Variants in ABCB5 observed in about 807,000 individuals in gnomAD.
The protein encoded by ABCB5 is ATP binding cassette subfamily B member 5.
A neutral mutation model predicts 144.2 loss-of-function variants in ABCB5; 155 were observed. The ratio of observed to expected loss-of-function variants is 1.08; its 90% CI spans 0.94 to 1.23. ABCB5 has a LOEUF of 1.23. Ranked by LOEUF, ABCB5 falls within the 50% of genes most tolerant of loss-of-function variation. The probability of loss-of-function intolerance (pLI) is 0.00; values close to 1 mark genes in which losing one functional copy is unlikely to be tolerated. For missense variants in ABCB5, 1,830 were observed against 1,520.8 expected, an observed-to-expected ratio of 1.20 and a Z score of -3.38; for synonymous variants, 610 against 528.6, an observed-to-expected ratio of 1.15 and a Z score of -2.11.
chr7:20,726,153 T>A (rs2128050745), intron 21 of ABCB5, among the ~76,000 whole-genome samples: 1 of 152,328 alleles, frequency 6.6e-6, no homozygotes, highest in South Asian at 2.1e-4. Context: ...ATAAACTATA[T>A]AAATGTGGAG....
At chr7:20,699,605 G>T (rs916851439) in intron 17 of ABCB5, among the ~76,000 whole-genome samples, 2 of 152,040 alleles carry the variant, frequency 1.3e-5, no homozygotes, top group Non-Finnish European at 1.5e-5. Context: ...GGAGGCTGAG[G>T]CATGAGAATC....
At chr7:20,742,016 G>C (rs1314243212) in intron 24 of ABCB5, among the ~76,000 whole-genome samples, 1 of 152,178 alleles carries the variant, frequency 6.6e-6, no homozygotes, top group African/African-American at 2.4e-5. Flanking sequence ...CCAGTAAAGA[G>C]ATTGATGCAC....
intron 7 of ABCB5, among the ~76,000 whole-genome samples, 173 bp downstream of exon 7, chr7:20,643,805 T>G (rs1177261180): frequency 2.0e-5 from 3 of 152,256 alleles, no homozygotes; most frequent in Non-Finnish European, 4.4e-5. Context: ...CCTTTCTATC[T>G]TCAAGTTATT....
intron 20 of ABCB5, among the ~76,000 whole-genome samples, chr7:20,717,860 T>C (rs1407344130): frequency 2.8e-5 from 4 of 142,444 alleles, no homozygotes; most frequent in Non-Finnish European, 6.1e-5. Flanking sequence ...TATCTCCAAA[T>C]ACGGTAACAT....
At chr7:20,647,228 A>G (rs1784431501) in intron 9 of ABCB5, 2 of 1,040,588 alleles carry the variant, frequency 1.9e-6, no homozygotes, top group Non-Finnish European at 2.3e-6. Context: ...CACTTCAGTT[A>G]GCAGATTTTT....
intron 14 of ABCB5, chr7:20,659,296 T>C: frequency 7.0e-7 from 1 of 1,437,636 alleles, no homozygotes; most frequent in Non-Finnish European, 9.1e-7. Flanking sequence ...TGAACAGTTT[T>C]CTCGATGGCC....
intron 14 of ABCB5, among the ~76,000 whole-genome samples, chr7:20,677,499 C>A (rs1785654381): frequency 6.6e-6 from 1 of 152,116 alleles, no homozygotes; most frequent in Admixed American, 6.5e-5. Context: ...CAGGCAGAGG[C>A]AGGTGGATCA....
chr7:20,713,921 C>G (rs1440619305), intron 20 of ABCB5, among the ~76,000 whole-genome samples: 1 of 130,096 alleles, frequency 7.7e-6, no homozygotes, highest in Non-Finnish European at 1.7e-5. Context: ...CAAACTCTAG[C>G]TGACTTAGAT....
intron 21 of ABCB5, among the ~76,000 whole-genome samples, chr7:20,724,666 A>T (rs1781981365): frequency 6.7e-6 from 1 of 150,174 alleles, no homozygotes. Flanking sequence ...TCCTCTCCTA[A>T]TACTGTTTCA....
At chr7:20,686,336 C>A (rs1187706492) in intron 16 of ABCB5, among the ~76,000 whole-genome samples, 1 of 152,124 alleles carries the variant, frequency 6.6e-6, no homozygotes, top group African/African-American at 2.4e-5. Flanking sequence ...CCCCCAAAGC[C>A]CCAGGCTCTG....
In ABCB5 at chr7:20,620,513, C is replaced by T. The variant is rs192419711; in HGVS notation, c.-21-2752C>T. Among the ~76,000 whole-genome samples the T allele has an allele frequency of 5.1e-4, 78 of 151,774 alleles. 1 individual carries two copies. Among genetic ancestry groups the T allele is most frequent in the African/African-American group, 1.8e-3 (76 of 41,388 alleles). ...TGCAAATCACGTACTTAATAATATC[C>T]AGAATATATAAAGAACACCTACAAC... On this transcript the variant is annotated intron_variant, in intron 1 of 27. Coordinates refer to ENST00000404938, the MANE Select transcript of ABCB5 (RefSeq NM_001163941.2).
At chr7:20,663,713 C>CT (rs34871735) in intron 14 of ABCB5, among the ~76,000 whole-genome samples, 1,384 of 107,490 alleles carry the variant, frequency 0.013, 36 homozygotes, top group South Asian at 0.061. Context: ...TTATGTTAGG[C>CT]TTTTTTTTTT....
At chr7:20,643,751 T>C (rs901365554) in intron 7 of ABCB5, 119 bp downstream of exon 7, 1 of 1,035,352 alleles carries the variant, frequency 9.7e-7, no homozygotes, top group East Asian at 2.6e-5. Context: ...TACAAAGGGA[T>C]ATTATACACC....
At chr7:20,676,167 TAC>T (rs60855145) in intron 14 of ABCB5, among the ~76,000 whole-genome samples, 3,080 of 124,342 alleles carry the variant, frequency 0.025, 62 homozygotes, top group African/African-American at 0.065. Context: ...CTACTACACA[TAC>T]ACACACACAC....
At chr7:20,718,522 T>C (rs1270110522) in intron 20 of ABCB5, among the ~76,000 whole-genome samples, 1 of 152,190 alleles carries the variant, frequency 6.6e-6, no homozygotes, top group Non-Finnish European at 1.5e-5. Flanking sequence ...CTTAGATGTT[T>C]TAGTGAGAAA....
At chr7:20,648,110 T>C in intron 11 of ABCB5, 32 bp downstream of exon 11, 1 of 1,269,796 alleles carries the variant, frequency 7.9e-7, no homozygotes, top group Non-Finnish European at 1.1e-6. Context: ...AATTGTGCAG[T>C]TTTCTGATAT....
At chr7:20,739,490 TG>T (rs1782493726) in intron 24 of ABCB5, among the ~76,000 whole-genome samples, 1 of 152,198 alleles carries the variant, frequency 6.6e-6, no homozygotes, top group African/African-American at 2.4e-5. Flanking sequence ...GTTAAAAGTT[TG>T]TGCAAAATAA....
At chr7:20,680,027 T>C (rs559370733) in intron 14 of ABCB5, among the ~76,000 whole-genome samples, 12 of 152,182 alleles carry the variant, frequency 7.9e-5, no homozygotes, top group Non-Finnish European at 1.8e-4. Flanking sequence ...AGGAATAGAA[T>C]GGATAAATAA....
chr7:20,755,593 T>A lies in ABCB5; in HGVS notation c.3743T>A (p.Phe1248Tyr). 1 of 1,614,192 alleles carries A rather than the reference T, an allele frequency of 6.2e-7. No individual in the cohort carries two copies. Among genetic ancestry groups the A allele is most frequent in the East Asian group, 2.2e-5 (1 of 44,884 alleles). Reference sequence around the variant, plus strand: ...CTCCTGAGAAATCGAGACATATATTTTAAGTTAGTGAATGCACAGTCAGTG... The same window carrying A: ...CTCCTGAGAAATCGAGACATATATTATAAGTTAGTGAATGCACAGTCAGTG... ...QELLRNRDIY[F>Y]KLVNAQSVQ is the part of the protein sequence containing the mutation. The change falls in exon 28 of 28, where the codon TTT becomes TAT. Residue 1248 changes from phenylalanine (F) to tyrosine (Y), a missense_variant. By Grantham distance (22) the Phe-to-Tyr change is conservative (BLOSUM62 3). Coordinates refer to ENST00000404938, the MANE Select transcript of ABCB5 (RefSeq NM_001163941.2).
Sources: allele counts gnomAD v4.1 joint callset (sites outside exome capture counted in the v4.1 genomes callset), GRCh38; gene constraint gnomAD v4.1.1; transcripts MANE v1.5; gene names NCBI Gene and HGNC (gene_info 2026-07-23, HGNC 2026-07-21).